Variants in CAST observed in about 807,000 individuals in gnomAD.
CAST encodes the protein calpastatin, also known as MIR583 host.
CAST carries 76 observed loss-of-function variants against 119.6 expected under a neutral mutation model. That is an observed-to-expected ratio of 0.64 (90% confidence interval 0.53 to 0.77). CAST has a LOEUF of 0.77. CAST is among the 30% of genes least tolerant of loss of function. The probability of loss-of-function intolerance (pLI) is 0.00; values close to 1 mark genes in which losing one functional copy is unlikely to be tolerated. For missense variants in CAST, 953 were observed against 946.5 expected, an observed-to-expected ratio of 1.01 and a Z score of -0.09; for synonymous variants, 319 against 331.6, an observed-to-expected ratio of 0.96 and a Z score of 0.41.
chr5:96,364,410 C>A, the CAST span, among the ~76,000 whole-genome samples: 2 of 152,126 alleles, frequency 1.3e-5, no homozygotes, highest in Non-Finnish European at 2.9e-5. Flanking sequence ...AGGAATGGTA[C>A]CAGCTCCTTC....
the CAST span, among the ~76,000 whole-genome samples, chr5:96,514,541 G>C: frequency 6.6e-6 from 1 of 152,106 alleles, no homozygotes; most frequent in East Asian, 1.9e-4. Flanking sequence ...ACTTGTAGTT[G>C]ATCAAAACTA....
At chr5:96,287,988 G>A in the CAST span, among the ~76,000 whole-genome samples, 1 of 152,152 alleles carries the variant, frequency 6.6e-6, no homozygotes, top group Non-Finnish European at 1.5e-5. Flanking sequence ...AAGACATTAA[G>A]TGAAGAGAGT....
chr5:95,986,759 A>G, the CAST span, among the ~76,000 whole-genome samples: 2 of 152,210 alleles, frequency 1.3e-5, no homozygotes, highest in South Asian at 4.1e-4. Context: ...TCACAGTTAG[A>G]TATCTGAGCT....
the CAST span, among the ~76,000 whole-genome samples, chr5:96,264,576 G>A: frequency 6.6e-6 from 1 of 152,200 alleles, no homozygotes; most frequent in Non-Finnish European, 1.5e-5. Flanking sequence ...CTCAGCTTCA[G>A]CAATAGCGTT....
At chr5:96,256,641 A>G in the CAST span, among the ~76,000 whole-genome samples, 1 of 151,940 alleles carries the variant, frequency 6.6e-6, no homozygotes, top group Admixed American at 6.6e-5. Context: ...ACATATCTAA[A>G]CATAGAAAAG....
At chr5:96,184,205 C>T in the CAST span, among the ~76,000 whole-genome samples, 1 of 152,102 alleles carries the variant, frequency 6.6e-6, no homozygotes, top group Non-Finnish European at 1.5e-5. Flanking sequence ...GACTCAAGAC[C>T]CAGGATCCCA....
intron 1 of CAST, among the ~76,000 whole-genome samples, chr5:96,666,718 A>G (rs1257822383): frequency 6.6e-6 from 1 of 152,260 alleles, no homozygotes; most frequent in Non-Finnish European, 1.5e-5. Flanking sequence ...TTAAACCAAG[A>G]GTAGCATCTG....
At chr5:96,285,000 G>A in the CAST span, among the ~76,000 whole-genome samples, 1 of 152,140 alleles carries the variant, frequency 6.6e-6, no homozygotes, top group African/African-American at 2.4e-5. Context: ...AATAGCTCTG[G>A]TAACTGTTTA....
At chr5:96,194,283 G>C in the CAST span, among the ~76,000 whole-genome samples, 1 of 152,168 alleles carries the variant, frequency 6.6e-6, no homozygotes, top group Non-Finnish European at 1.5e-5. Context: ...CATTTGAGGA[G>C]CTTTTAAAAA....
the CAST span, among the ~76,000 whole-genome samples, chr5:96,145,766 T>G: frequency 6.6e-6 from 1 of 152,224 alleles, no homozygotes; most frequent in African/African-American, 2.4e-5. Flanking sequence ...GCCATTTTAT[T>G]ATATCTCCTA....
chr5:96,312,874 T>C, the CAST span, among the ~76,000 whole-genome samples: 1 of 152,086 alleles, frequency 6.6e-6, no homozygotes, highest in Non-Finnish European at 1.5e-5. Context: ...AGAAAATAAC[T>C]TAAGTGACCT....
chr5:96,243,085 G>T, the CAST span, among the ~76,000 whole-genome samples: 2 of 151,788 alleles, frequency 1.3e-5, no homozygotes, highest in Non-Finnish European at 1.5e-5. Context: ...TTCTGTGTTA[G>T]GCAGAACACA....
rs144561238 is a variant in CAST, at chr5:96,742,726, C to G, written c.1170C>G (p.Leu390=). 6.2e-7 allele frequency: 1 copy of G among 1,613,702 alleles called. No homozygotes were observed. Among genetic ancestry groups the G allele is most frequent in the Non-Finnish European group, 8.5e-7 (1 of 1,179,714 alleles). Residue 390 remains leucine, a synonymous_variant, in exon 16 of 32, where the codon CTC becomes CTG. Coordinates refer to ENST00000675179, the MANE Select transcript of CAST (RefSeq NM_001750.7). The part of the protein sequence containing the change: ...SLGTRQAEPE[L]DLRSIKEVDE... ...GCACCCGGCAAGCAGAACCTGAGCTCGACCTCCGCTCAATTAAGGAAGTCG... is the reference window on the plus strand; with the variant it reads ...GCACCCGGCAAGCAGAACCTGAGCTGGACCTCCGCTCAATTAAGGAAGTCG...
At chr5:96,077,859 A>G in the CAST span, among the ~76,000 whole-genome samples, 3 of 152,200 alleles carry the variant, frequency 2.0e-5, no homozygotes, top group Non-Finnish European at 2.9e-5. Flanking sequence ...TCCAGCCTCA[A>G]CATAAGATGA....
At chr5:96,334,756 A>G in the CAST span, among the ~76,000 whole-genome samples, 2 of 152,212 alleles carry the variant, frequency 1.3e-5, no homozygotes, top group Non-Finnish European at 1.5e-5. Flanking sequence ...TTTTTCACCT[A>G]GAAGCACAAA....
At chr5:96,433,609 G>C in the CAST span, among the ~76,000 whole-genome samples, 852 of 152,258 alleles carry the variant, frequency 5.6e-3, 11 homozygotes, top group African/African-American at 0.02. Flanking sequence ...GGCGGGGAGG[G>C]GGGGAGGCTA....
chr5:96,184,577 C>G, the CAST span, among the ~76,000 whole-genome samples: 1 of 150,908 alleles, frequency 6.6e-6, no homozygotes, highest in African/African-American at 2.4e-5. Context: ...CATCATTCAG[C>G]TCCTACTTAT....
chr5:96,157,012 G>T, the CAST span, among the ~76,000 whole-genome samples: 2 of 152,084 alleles, frequency 1.3e-5, no homozygotes, highest in African/African-American at 2.4e-5. Context: ...GGAAATTTGT[G>T]TATTACCTTG....
intron 1 of CAST, among the ~76,000 whole-genome samples, chr5:96,649,876 G>T (rs746827349): frequency 3.9e-4 from 60 of 152,156 alleles, no homozygotes; most frequent in Admixed American, 2.0e-3. Flanking sequence ...TAATGAGTTA[G>T]GTAATACTGT....
Sources: allele counts gnomAD v4.1 joint callset (sites outside exome capture counted in the v4.1 genomes callset), GRCh38; gene constraint gnomAD v4.1.1; transcripts MANE v1.5; gene names NCBI Gene and HGNC (gene_info 2026-07-23, HGNC 2026-07-21).